PRAG1: variants seen among roughly 807,000 people sequenced by gnomAD.
PRAG1 encodes the protein PEAK1 related, kinase-activating pseudokinase 1.
In PRAG1, 110 loss-of-function variants were observed where a neutral mutation model predicts 95.6. The ratio of observed to expected loss-of-function variants is 1.15; its 90% CI spans 0.99 to 1.35. PRAG1 has a LOEUF of 1.35. Ranked by LOEUF, PRAG1 falls within the 40% of genes most tolerant of loss-of-function variation. The pLI is 0.00. For missense variants in PRAG1, 2,554 were observed against 1,864.7 expected (o/e 1.37, Z -6.81); for synonymous variants, 1,052 against 819.4 (o/e 1.28, Z -4.85).
Position 8,376,947 on chromosome 8 carries a change from T to A in PRAG1, c.1462A>T (p.Ile488Phe). Residue 488 changes from isoleucine (I) to phenylalanine (F), a missense_variant, in exon 3 of 6, where the codon ATC (isoleucine) becomes TTC (phenylalanine). Coordinates refer to ENST00000615670, the MANE Select transcript of PRAG1 (RefSeq NM_001080826.3). ...AAHPEEDHRTIYLSSPDSAVG... is the reference protein window; with the variant it reads ...AAHPEEDHRTFYLSSPDSAVG... ...GCAGAGTCAGGGCTGCTCAGGTAGATCGTCCGATGGTCCTCTTCCGGGTGG... is the reference window on the plus strand; with the variant it reads ...GCAGAGTCAGGGCTGCTCAGGTAGAACGTCCGATGGTCCTCTTCCGGGTGG... 1 of 1,613,420 alleles carries A rather than the reference T, an allele frequency of 6.2e-7. No individual in the cohort carries two copies. Among genetic ancestry groups the A allele is most frequent in the Non-Finnish European group, 8.5e-7 (1 of 1,180,002 alleles).
In PRAG1 at chr8:8,376,751, G is replaced by C. The variant is rs1453970858; in HGVS notation, c.1658C>G (p.Pro553Arg). The C allele has an allele frequency of 1.2e-6, 2 of 1,610,108 alleles. No individual in the cohort carries two copies. Among genetic ancestry groups the C allele is most frequent in the Non-Finnish European group, 8.5e-7 (1 of 1,179,984 alleles). The change falls in exon 3 of 6, where the codon CCT becomes CGT. Residue 553 changes from proline to arginine, a missense_variant. Pro to Arg is a moderately radical substitution (Grantham distance 103, BLOSUM62 -2). Transcript: ENST00000615670. ...AGACGGTGACACCGGGGACCCTACA[G>C]GGCTACTCTTGGACAACTTGGGGGG... ...AIPPKLSKSSPVGSPVSPSAG... is the reference protein window; with the variant it reads ...AIPPKLSKSSRVGSPVSPSAG...
chr8:8,341,992 A>G (rs1186912574), intron 3 of PRAG1, among the ~76,000 whole-genome samples: 1 of 151,988 alleles, frequency 6.6e-6, no homozygotes, highest in East Asian at 2.0e-4. Context: ...TTAGCCAGGC[A>G]TAGTGGCCTG....
chr8:8,346,146 T>TAGG (rs1461704070), intron 3 of PRAG1, among the ~76,000 whole-genome samples: 1 of 152,208 alleles, frequency 6.6e-6, no homozygotes, highest in Non-Finnish European at 1.5e-5. Flanking sequence ...ACAAGACTAC[T>TAGG]TAGCCTTTTT....
intron 4 of PRAG1, among the ~76,000 whole-genome samples, chr8:8,338,474 G>T (rs945913843): frequency 2.6e-5 from 4 of 152,200 alleles, no homozygotes; most frequent in African/African-American, 9.7e-5. Context: ...TGTTGAATTT[G>T]TTATACAATG....
intron 1 of PRAG1, among the ~76,000 whole-genome samples, chr8:8,384,675 T>C (rs1368291408): frequency 6.6e-6 from 1 of 151,618 alleles, no homozygotes; most frequent in Non-Finnish European, 1.5e-5. Context: ...TTATCTCCTA[T>C]TTGTTTTAAG....
intron 3 of PRAG1, among the ~76,000 whole-genome samples, chr8:8,359,780 A>G (rs2116887790): frequency 6.6e-6 from 1 of 152,258 alleles, no homozygotes; most frequent in South Asian, 2.1e-4. Context: ...TGTATTTTTC[A>G]TCTATCGCAG....
rs1161275344 is a variant in PRAG1, at chr8:8,328,331, C to G, written c.2451G>C (p.Gln817His). The G allele has an allele frequency of 1.2e-6, 2 of 1,613,172 alleles. No individual in the cohort carries two copies. Among genetic ancestry groups the G allele is most frequent in the Non-Finnish European group, 8.5e-7 (1 of 1,179,778 alleles). ...SGPQQPPPLP[Q>H]KKIVSRAASS... ...AGGCTGCCCGGCTCACTATCTTTTT[C>G]TGGGGGAGTGGAGGGGGCTGCTGGG... The change falls in exon 5 of 6, where the codon CAG (glutamine) becomes CAC (histidine). Residue 817 changes from glutamine (Q) to histidine (H), a missense_variant. Gln to His is a conservative substitution (Grantham distance 24, BLOSUM62 0). Coordinates refer to ENST00000615670, the MANE Select transcript of PRAG1 (RefSeq NM_001080826.3).
intron 5 of PRAG1, among the ~76,000 whole-genome samples, chr8:8,327,239 A>G (rs1413235198): frequency 1.3e-5 from 2 of 152,200 alleles, no homozygotes; most frequent in African/African-American, 4.8e-5. Flanking sequence ...GTCCTGGGGC[A>G]GAGAGAGAGT....
chr8:8,336,919 C>T (rs1022035154), intron 4 of PRAG1, among the ~76,000 whole-genome samples: 5 of 146,864 alleles, frequency 3.4e-5, no homozygotes, highest in South Asian at 4.5e-4. Flanking sequence ...CCCCCCTCCC[C>T]CCACCTCCGA....
At chr8:8,352,812 C>T (rs1388899558) in intron 3 of PRAG1, among the ~76,000 whole-genome samples, 1 of 152,014 alleles carries the variant, frequency 6.6e-6, no homozygotes, top group Non-Finnish European at 1.5e-5. Flanking sequence ...TTTGTACTTG[C>T]TTACAAAAAA....
At chr8:8,319,670 G>C (rs750721927) in intron 5 of PRAG1, among the ~76,000 whole-genome samples, 4 of 152,108 alleles carry the variant, frequency 2.6e-5, no homozygotes, top group Admixed American at 6.5e-5. Context: ...TCTGGAATTT[G>C]TATTAAAAAA....
chr8:8,370,903 C>G (rs1165868663), intron 3 of PRAG1, among the ~76,000 whole-genome samples: 1 of 152,140 alleles, frequency 6.6e-6, no homozygotes, highest in Non-Finnish European at 1.5e-5. Context: ...AATCCCAACA[C>G]TTTGGCAGGT....
intron 1 of PRAG1, among the ~76,000 whole-genome samples, chr8:8,383,725 T>G (rs1800758759): frequency 6.6e-6 from 1 of 152,242 alleles, no homozygotes; most frequent in Admixed American, 6.5e-5. Context: ...AGCTAGGTTC[T>G]TCTCCTCCTC....
intron 3 of PRAG1, among the ~76,000 whole-genome samples, chr8:8,362,874 G>A (rs936613959): frequency 1.1e-4 from 16 of 152,060 alleles, no homozygotes; most frequent in Non-Finnish European, 2.2e-4. Context: ...TTCCTAAATA[G>A]GTAAAGACTG....
rs117686365 is a variant in PRAG1, at chr8:8,354,885, G to T, written c.2163-15250C>A. ...GTAGTAGGCAAATAAATCCACTTCT[G>T]CCACTTCATATTCATCATTGTACTG... is the stretch of plus-strand genomic sequence containing the variant. On this transcript the variant is annotated intron_variant, in intron 3 of 5. Transcript: ENST00000615670. 1.2e-3 allele frequency among the ~76,000 whole-genome samples: 184 copies of T among 152,130 alleles called. 1 individual carries two copies. In the East Asian group the frequency reaches 0.017, roughly 14 times the overall value.
chr8:8,327,077 G>A (rs1798654923), intron 5 of PRAG1, among the ~76,000 whole-genome samples: 1 of 152,180 alleles, frequency 6.6e-6, no homozygotes, highest in Non-Finnish European at 1.5e-5. Flanking sequence ...TACTCAGATT[G>A]TGGCAAAGTA....
chr8:8,360,885 C>T (rs181822600), intron 3 of PRAG1, among the ~76,000 whole-genome samples: 77 of 152,254 alleles, frequency 5.1e-4, no homozygotes, highest in East Asian at 4.2e-3. Context: ...TATCCTACTG[C>T]GGTTCCTGAG....
Position 8,365,386 on chromosome 8 carries a change from G to C in PRAG1, c.2162+10861C>G, listed in dbSNP as rs578033656. On this transcript the variant is annotated intron_variant, in intron 3 of 5. Coordinates refer to ENST00000615670, the MANE Select transcript of PRAG1 (RefSeq NM_001080826.3). ...CACCTGTAATCCCAACACTGTGGGA[G>C]GCCAAAGCAGGTGGATCACCTGAGG... Among the ~76,000 whole-genome samples, 30 of 152,242 alleles carry C rather than the reference G, an allele frequency of 2.0e-4. No homozygotes were observed. In the South Asian group the frequency reaches 5.8e-3, roughly 29 times the overall value.
At position 8,339,700 on chromosome 8, in the gene PRAG1, T is replaced by C. The variant is rs924929108; in HGVS notation, c.2163-65A>G. 8 of 1,524,330 alleles carry C rather than the reference T, an allele frequency of 5.2e-6. No homozygotes were observed. The East Asian group carries it at 1.1e-4, about 22-fold the overall frequency. 94.4% of individuals were successfully genotyped at this position (1,524,330 alleles called of 1,614,324 possible). On this transcript the variant is annotated intron_variant, in intron 3 of 5. Coordinates refer to ENST00000615670, the MANE Select transcript of PRAG1 (RefSeq NM_001080826.3). ...GATTTCCATTCAGAAACCAGGCTGATGGATCATGAACTTACCATGCTCTTG... is the reference window on the plus strand; with the variant it reads ...GATTTCCATTCAGAAACCAGGCTGACGGATCATGAACTTACCATGCTCTTG...
Sources: allele counts gnomAD v4.1 joint callset (sites outside exome capture counted in the v4.1 genomes callset), GRCh38; gene constraint gnomAD v4.1.1; transcripts MANE v1.5; gene names NCBI Gene and HGNC (gene_info 2026-07-23, HGNC 2026-07-21).